Variants in UPF2 observed in about 807,000 individuals in gnomAD.
UPF2 encodes the protein UPF2 regulator of nonsense mediated mRNA decay, also known as regulator of nonsense transcripts 2.
Under a neutral mutation model 141.4 loss-of-function variants are expected in UPF2, and 17 were observed. That is an observed-to-expected ratio of 0.12 (90% CI 0.08 to 0.18). The LOEUF (loss-of-function observed/expected upper bound fraction) is 0.18, where lower values mean the gene tolerates loss of function less well. Ranked by LOEUF, UPF2 falls within the 10% of genes least tolerant of loss-of-function variation. The pLI, the probability that UPF2 is intolerant of heterozygous loss-of-function variation, is 1.00. For synonymous variants in UPF2, 540 were observed against 498.0 expected (o/e 1.08, Z -1.12); for missense variants, 1,152 against 1,515.9 (o/e 0.76, Z 3.99).
At position 11,965,620 on chromosome 10, in the gene UPF2, C is replaced by T. The variant is rs557754009; in HGVS notation, c.2068-1495G>A. ...GACTACAGGTGCCTGCCACCACTCC[C>T]GGCTAATTTTTTGTATGTTTAGTAG... On this transcript the variant is annotated intron_variant, in intron 10 of 21. Coordinates refer to ENST00000357604, the MANE Select transcript of UPF2 (RefSeq NM_015542.4). Among the ~76,000 whole-genome samples, 10 of 152,138 alleles carry T rather than the reference C, an allele frequency of 6.6e-5. No individual in the cohort carries two copies. In the South Asian group the frequency reaches 1.0e-3, roughly 16 times the overall value.
chr10:11,927,316 G>GC (rs1238441945), intron 21 of UPF2, among the ~76,000 whole-genome samples: 1 of 152,246 alleles, frequency 6.6e-6, no homozygotes, highest in East Asian at 1.9e-4. Context: ...ACGTTAGGCT[G>GC]CAATATGAAC....
upstream of UPF2, chr10:12,042,982 T>A (rs1476715202): frequency 1.3e-5 from 2 of 152,206 alleles, no homozygotes; most frequent in Non-Finnish European, 2.9e-5. The surrounding 1 kb of genome is among the most constrained non-coding windows in gnomAD (Gnocchi z 5.5). Context: ...TCCGCGCGAC[T>A]GCCCGATTAA....
At chr10:12,002,877 C>T (rs940932991) in intron 5 of UPF2, among the ~76,000 whole-genome samples, 2 of 152,070 alleles carry the variant, frequency 1.3e-5, no homozygotes, top group Admixed American at 6.6e-5. Flanking sequence ...AAACAAAAGC[C>T]AATAAAACCT....
Position 12,042,205 on chromosome 10 carries a change from C to A in UPF2, c.-19+550G>T, listed in dbSNP as rs1219652860. On this transcript the variant is annotated intron_variant, in intron 1 of 21. Transcript: ENST00000357604. This position sits in a 1 kb window ranked among gnomAD's most constrained non-coding sequence, Gnocchi z 5.5. ...AGGAACCTCTAAACCCACCACACTT[C>A]CCCGACACAACTCCCCTTCCCACAG... Among the ~76,000 whole-genome samples the A allele has an allele frequency of 2.0e-5, 3 of 151,620 alleles. No homozygotes were observed. The highest frequency in any genetic ancestry group is 6.6e-5 in the Admixed American group (1 of 15,204).
chr10:12,024,429 G>A (rs1244566804), intron 3 of UPF2, among the ~76,000 whole-genome samples: 1 of 152,050 alleles, frequency 6.6e-6, no homozygotes, highest in Non-Finnish European at 1.5e-5. Flanking sequence ...GGGCAACATG[G>A]CGAAACCCCG....
chr10:12,015,021 G>C (rs555424672), intron 3 of UPF2, among the ~76,000 whole-genome samples: 14 of 152,144 alleles, frequency 9.2e-5, no homozygotes, highest in Non-Finnish European at 1.8e-4. Context: ...AAAATGTATA[G>C]AGTAAAAGTC....
chr10:11,926,199 C>G (rs1049533102), intron 21 of UPF2, among the ~76,000 whole-genome samples: 13 of 152,168 alleles, frequency 8.5e-5, no homozygotes, highest in Admixed American at 8.5e-4. Context: ...GGAGGAGGAG[C>G]TGTCAATAAC....
At position 11,936,285 on chromosome 10, in the gene UPF2, G is replaced by A. The variant is rs558751172; in HGVS notation, c.3546+260C>T. Among the ~76,000 whole-genome samples the A allele has an allele frequency of 4.6e-5, 7 of 152,040 alleles. No homozygotes were observed. The highest frequency in any genetic ancestry group is 2.1e-4 in the South Asian group (1 of 4,800). ...CTCAGGAGGCTGAGGCAGAAGAATC[G>A]TTTGAACCTGGGAGGAGGAGGTTGC... On this transcript the variant is annotated intron_variant, in intron 19 of 21. Transcript: ENST00000357604. This position sits in a 1 kb window ranked among gnomAD's most constrained non-coding sequence, Gnocchi z 6.6.
chr10:11,946,906 A>T (rs1326005689), intron 16 of UPF2, among the ~76,000 whole-genome samples: 2 of 152,256 alleles, frequency 1.3e-5, no homozygotes, highest in African/African-American at 4.8e-5. Flanking sequence ...TTTGGAAGAA[A>T]AAACTGAAGA....
At chr10:11,929,717 T>TACTTTTCTATTTTGCTAAAATATCAAAG (rs1296036893) in intron 21 of UPF2, 148 bp downstream of exon 21, 6 of 1,141,352 alleles carry the variant, frequency 5.3e-6, no homozygotes, top group Middle Eastern at 2.8e-4. Flanking sequence ...CTCAAATATC[T>TACTTTTCTATTTTGCTAAAATATCAAAG]ACTTTTCTAT....
chr10:12,010,767 C>T (rs1834113018), intron 4 of UPF2, among the ~76,000 whole-genome samples: 1 of 151,974 alleles, frequency 6.6e-6, no homozygotes, highest in Non-Finnish European at 1.5e-5. Context: ...ACGAAGAAAA[C>T]CACACCAAGC....
intron 19 of UPF2, among the ~76,000 whole-genome samples, chr10:11,933,059 A>G (rs992208266): frequency 2.6e-5 from 4 of 152,208 alleles, no homozygotes; most frequent in Admixed American, 2.0e-4. Flanking sequence ...AAAAAAATAA[A>G]TGGCTAAAAG....
rs762989511 is a variant in UPF2 at position 11,921,098 on chromosome 10, T to C, written c.*200A>G. ...CCATTACAAAAGGCCTTTTCCGCCTTGTCTGGAAGCGTCGGCTTGTTCCGG... is the reference window on the plus strand; with the variant it reads ...CCATTACAAAAGGCCTTTTCCGCCTCGTCTGGAAGCGTCGGCTTGTTCCGG... On this transcript the variant is annotated 3_prime_UTR_variant, in exon 22 of 22. Coordinates refer to ENST00000357604, the MANE Select transcript of UPF2 (RefSeq NM_015542.4). The surrounding 1 kb of genome is among the most constrained non-coding windows in gnomAD (Gnocchi z 5.9). The C allele has an allele frequency of 1.3e-6, 1 of 797,302 alleles. No individual in the cohort carries two copies. Among genetic ancestry groups the C allele is most frequent in the Non-Finnish European group, 2.3e-6 (1 of 436,184 alleles). 49.4% of individuals were successfully genotyped at this position (797,302 alleles called of 1,614,324 possible).
intron 21 of UPF2, chr10:11,923,063 T>A (rs547041517): frequency 6.6e-6 from 1 of 152,120 alleles, no homozygotes. Flanking sequence ...AACAAAATCA[T>A]TTTTAAAAAG....
At chr10:11,960,056 C>A (rs2131195296) in intron 11 of UPF2, among the ~76,000 whole-genome samples, 1 of 152,228 alleles carries the variant, frequency 6.6e-6, no homozygotes, top group African/African-American at 2.4e-5. Flanking sequence ...TCAGCCTCAG[C>A]ACTACTGACA....
intron 21 of UPF2, among the ~76,000 whole-genome samples, chr10:11,928,914 C>T (rs1168274611): frequency 6.6e-6 from 1 of 152,214 alleles, no homozygotes; most frequent in African/African-American, 2.4e-5. Flanking sequence ...CTTTGGGAGG[C>T]CAAGGCGGGC....
intron 4 of UPF2, among the ~76,000 whole-genome samples, chr10:12,012,007 A>C (rs570124991): frequency 1.3e-5 from 2 of 152,166 alleles, no homozygotes; most frequent in South Asian, 4.1e-4. Flanking sequence ...AATTAGCTTA[A>C]ATTTCAGTAT....
At chr10:12,037,542 T>C (rs1172493129) in intron 1 of UPF2, among the ~76,000 whole-genome samples, 2 of 151,870 alleles carry the variant, frequency 1.3e-5, no homozygotes, top group Non-Finnish European at 2.9e-5. Context: ...ATTATAAGTG[T>C]GTGCCATCAC....
chr10:12,009,622 C>A (rs1834094285), intron 4 of UPF2, among the ~76,000 whole-genome samples: 1 of 152,186 alleles, frequency 6.6e-6, no homozygotes, highest in African/African-American at 2.4e-5. Context: ...AAACTCAGCT[C>A]TACAATTGCC....
Sources: allele counts gnomAD v4.1 joint callset (sites outside exome capture counted in the v4.1 genomes callset), GRCh38; gene constraint gnomAD v4.1.1; non-coding constraint Gnocchi (gnomAD v3.1); transcripts MANE v1.5; gene names NCBI Gene and HGNC (gene_info 2026-07-23, HGNC 2026-07-21).